Variants in LRRC7 observed in about 807,000 individuals in gnomAD.
The protein encoded by LRRC7 is leucine-rich repeat-containing protein 7.
In LRRC7, 23 loss-of-function variants were observed where a neutral mutation model predicts 175.7. The observed-to-expected ratio is 0.13, with a 90% CI of 0.09 to 0.19. LRRC7 has a LOEUF of 0.19. Ranked by LOEUF, LRRC7 falls within the 10% of genes least tolerant of loss-of-function variation. LRRC7 has a pLI of 1.00. For missense variants in LRRC7, 1,354 were observed against 1,904.7 expected (o/e 0.71, Z 5.38); for synonymous variants, 685 against 680.9 (o/e 1.01, Z -0.09).
intron 25 of LRRC7, among the ~76,000 whole-genome samples, chr1:70,101,266 A>AT (rs1177704431): frequency 3.3e-5 from 5 of 152,162 alleles, no homozygotes; most frequent in Non-Finnish European, 7.4e-5. Context: ...GCTATATGCT[A>AT]TTTTTAACTC....
chr1:69,669,360 A>G (rs1658726604), intron 1 of LRRC7, among the ~76,000 whole-genome samples: 1 of 151,994 alleles, frequency 6.6e-6, no homozygotes, highest in Non-Finnish European at 1.5e-5. Context: ...AAGGTAAAAT[A>G]TTTTTCCTTC....
intron 20 of LRRC7, among the ~76,000 whole-genome samples, chr1:70,036,857 T>C (rs1659367599): frequency 6.6e-6 from 1 of 151,968 alleles, no homozygotes; most frequent in Non-Finnish European, 1.5e-5. Flanking sequence ...GATGAGATGG[T>C]AGAACAAAAA....
At chr1:70,061,616 C>T (rs1446073491) in intron 23 of LRRC7, among the ~76,000 whole-genome samples, 1 of 151,958 alleles carries the variant, frequency 6.6e-6, no homozygotes. Flanking sequence ...AATCTGTAGC[C>T]CCTGGAGAGA....
At position 69,968,373 on chromosome 1, in the gene LRRC7, A is replaced by G. The variant is rs538022775; in HGVS notation, c.712-12006A>G. Reference sequence around the variant, plus strand: ...GAACAGAAATCTAAGTTTGGAAAATACATTTTGAGGAATAATTGAGGAAAA... The same window carrying G: ...GAACAGAAATCTAAGTTTGGAAAATGCATTTTGAGGAATAATTGAGGAAAA... On this transcript the variant is annotated intron_variant, in intron 8 of 26. Coordinates refer to ENST00000651989, the MANE Select transcript of LRRC7 (RefSeq NM_001370785.2). Among the ~76,000 whole-genome samples, 23 of 152,310 alleles carry G rather than the reference A, an allele frequency of 1.5e-4. 2 individuals carry two copies. The highest frequency in any genetic ancestry group is 5.3e-4 in the African/African-American group (22 of 41,584).
intron 7 of LRRC7, among the ~76,000 whole-genome samples, chr1:69,882,869 T>C (rs531743807): frequency 4.0e-5 from 6 of 149,990 alleles, no homozygotes; most frequent in Admixed American, 3.3e-4. Flanking sequence ...CGGTGTTTGG[T>C]TTTTTGTTCT....
chr1:70,002,042 T>C (rs1416328681), intron 11 of LRRC7, among the ~76,000 whole-genome samples: 2 of 152,196 alleles, frequency 1.3e-5, no homozygotes, highest in Non-Finnish European at 2.9e-5. Context: ...TATGTTATTT[T>C]GTAAATAACT....
rs544756700 is a variant in LRRC7 at position 69,748,275 on chromosome 1, A to T, written c.101-11916A>T. Among the ~76,000 whole-genome samples, 5 of 152,152 alleles carry T rather than the reference A, an allele frequency of 3.3e-5. No homozygotes were observed. In the South Asian group the frequency reaches 6.2e-4, roughly 19 times the overall value. On this transcript the variant is annotated intron_variant, in intron 2 of 26. Coordinates refer to ENST00000651989, the MANE Select transcript of LRRC7 (RefSeq NM_001370785.2). ...AATGAGTATAAAACAGCATGAAATA[A>T]CATTTTAAAATGCTTTCTCTACATT...
chr1:69,656,341 A>G (rs1405630668), intron 1 of LRRC7, among the ~76,000 whole-genome samples: 1 of 152,004 alleles, frequency 6.6e-6, no homozygotes, highest in Non-Finnish European at 1.5e-5. Context: ...TTCTGTAATA[A>G]TAATAAGCTA....
intron 4 of LRRC7, among the ~76,000 whole-genome samples, chr1:69,815,532 G>A (rs982832676): frequency 2.0e-5 from 3 of 152,136 alleles, no homozygotes; most frequent in African/African-American, 4.8e-5. Flanking sequence ...GGATCCCAAT[G>A]TGCAGCACAG....
At chr1:70,043,119 A>C (rs1440801674) in intron 21 of LRRC7, among the ~76,000 whole-genome samples, 2 of 152,146 alleles carry the variant, frequency 1.3e-5, no homozygotes, top group Non-Finnish European at 2.9e-5. Context: ...GGTATCTAAA[A>C]TTTTACATCT....
intron 11 of LRRC7, among the ~76,000 whole-genome samples, chr1:69,996,178 G>T (rs1654943940): frequency 6.6e-6 from 1 of 151,240 alleles, no homozygotes; most frequent in Non-Finnish European, 1.5e-5. Flanking sequence ...TTTTTCATGT[G>T]TTTTTTGGCT....
At chr1:69,892,211 G>A (rs1645856846) in intron 7 of LRRC7, among the ~76,000 whole-genome samples, 1 of 152,182 alleles carries the variant, frequency 6.6e-6, no homozygotes, top group Non-Finnish European at 1.5e-5. Context: ...AGAGAAAATA[G>A]TGGATGTAGG....
intron 1 of LRRC7, among the ~76,000 whole-genome samples, chr1:69,657,637 A>C (rs151099116): frequency 6.6e-6 from 1 of 152,018 alleles, no homozygotes; most frequent in East Asian, 1.9e-4. Context: ...TGACTTACCT[A>C]GGTCTGCAGA....
At chr1:69,627,211 T>A (rs552449660) in intron 1 of LRRC7, among the ~76,000 whole-genome samples, 3 of 152,310 alleles carry the variant, frequency 2.0e-5, no homozygotes, top group Admixed American at 6.5e-5. Context: ...GTGTTCCTAT[T>A]TCTCCACATC....
intron 1 of LRRC7, among the ~76,000 whole-genome samples, chr1:69,595,713 C>T (rs1646814292): frequency 6.6e-6 from 1 of 152,158 alleles, no homozygotes; most frequent in African/African-American, 2.4e-5. Context: ...TGAAATGATG[C>T]ATGGCATTCC....
chr1:69,967,134 G>A lies in LRRC7; in HGVS notation c.712-13245G>A, dbSNP rs116608183. On this transcript the variant is annotated intron_variant, in intron 8 of 26. Coordinates refer to ENST00000651989, the MANE Select transcript of LRRC7 (RefSeq NM_001370785.2). ...GGGCACAGTGGGAGTGAGACCAGCC[G>A]TTTGAATTGCGTGGGAGGTGGGTGA... Among the ~76,000 whole-genome samples, 555 of 152,218 alleles carry A rather than the reference G, an allele frequency of 3.6e-3. 3 individuals are homozygous for A. The highest frequency in any genetic ancestry group is 0.012 in the African/African-American group (517 of 41,502).
chr1:69,849,175 T>G (rs1223146301), intron 7 of LRRC7, among the ~76,000 whole-genome samples: 1 of 152,052 alleles, frequency 6.6e-6, no homozygotes, highest in East Asian at 1.9e-4. Context: ...AAAATTAGAT[T>G]ACAAAGCTAT....
At chr1:69,942,645 C>T (rs184681064) in intron 8 of LRRC7, among the ~76,000 whole-genome samples, 1 of 152,038 alleles carries the variant, frequency 6.6e-6, no homozygotes, top group Non-Finnish European at 1.5e-5. Flanking sequence ...TGATCTCTGC[C>T]TCTCTCATCA....
At chr1:70,070,978 A>G (rs1662339328) in intron 23 of LRRC7, among the ~76,000 whole-genome samples, 1 of 151,854 alleles carries the variant, frequency 6.6e-6, no homozygotes, top group South Asian at 2.1e-4. Context: ...CTCTAACACC[A>G]CTCTAGCAGA....
Sources: allele counts gnomAD v4.1 joint callset (sites outside exome capture counted in the v4.1 genomes callset), GRCh38; gene constraint gnomAD v4.1.1; transcripts MANE v1.5; gene names NCBI Gene and HGNC (gene_info 2026-07-23, HGNC 2026-07-21).